ATP2C1: variants seen among roughly 807,000 people sequenced by gnomAD.
ATP2C1 encodes ATPase secretory pathway Ca2+ transporting 1.
Under a neutral mutation model 120.5 loss-of-function variants are expected in ATP2C1, and 31 were observed. The ratio of observed to expected loss-of-function variants is 0.26; its 90% confidence interval spans 0.19 to 0.35. The LOEUF (loss-of-function observed/expected upper bound fraction) is 0.35. Among genes scored for constraint, ATP2C1 ranks in the 10% least tolerant of loss-of-function variants. The pLI is 1.00. For missense variants in ATP2C1, 731 were observed against 1,107.5 expected, an observed-to-expected ratio of 0.66 and a Z score of 4.83; for synonymous variants, 351 against 358.7, an observed-to-expected ratio of 0.98 and a Z score of 0.24.
chr3:130,932,746 A>G (rs1336491071), intron 4 of ATP2C1, among the ~76,000 whole-genome samples: 2 of 152,172 alleles, frequency 1.3e-5, no homozygotes, highest in African/African-American at 4.8e-5. Flanking sequence ...TTTTGAAGTA[A>G]TTAGGTTGGT....
chr3:130,916,021 G>C (rs2058672155), intron 2 of ATP2C1, among the ~76,000 whole-genome samples: 1 of 152,186 alleles, frequency 6.6e-6, no homozygotes, highest in South Asian at 2.1e-4. Context: ...TGTGACAACA[G>C]AATATTTAAG....
Position 130,946,560 on chromosome 3 carries a change from C to T in ATP2C1, c.531+4861C>T, listed in dbSNP as rs79783068. 7.5e-4 allele frequency among the ~76,000 whole-genome samples: 114 copies of T among 152,308 alleles called. 1 individual carries two copies. In the East Asian group the frequency reaches 0.019, roughly 25 times the overall value. ...TATCTGTGAGGCTCACATTCTTGCCCAGTCTGTTGTTAAGACCCGCTAACA... is the reference window on the plus strand; with the variant it reads ...TATCTGTGAGGCTCACATTCTTGCCTAGTCTGTTGTTAAGACCCGCTAACA... On this transcript the variant is annotated intron_variant, in intron 8 of 27. Coordinates refer to ENST00000510168, the MANE Select transcript of ATP2C1 (RefSeq NM_001378687.1).
chr3:130,904,061 C>T (rs1344886348), intron 2 of ATP2C1, among the ~76,000 whole-genome samples: 1 of 151,910 alleles, frequency 6.6e-6, no homozygotes, highest in Non-Finnish European at 1.5e-5. Context: ...ATTTACTTTA[C>T]TTTGAGAGGT....
chr3:130,920,879 A>T (rs749686901), intron 2 of ATP2C1, among the ~76,000 whole-genome samples: 2 of 152,048 alleles, frequency 1.3e-5, no homozygotes, highest in Non-Finnish European at 2.9e-5. Context: ...CAATAAACAA[A>T]CCTGTCACCT....
At chr3:130,977,039 G>A (rs968284224) in intron 18 of ATP2C1, among the ~76,000 whole-genome samples, 1 of 152,122 alleles carries the variant, frequency 6.6e-6, no homozygotes, top group Non-Finnish European at 1.5e-5. Flanking sequence ...CTCAGCTAGG[G>A]AAAGAGAATG....
chr3:130,996,973 C>G (rs2062651582), intron 24 of ATP2C1, among the ~76,000 whole-genome samples, 177 bp downstream of exon 24: 1 of 152,042 alleles, frequency 6.6e-6, no homozygotes, highest in African/African-American at 2.4e-5. Flanking sequence ...AGTGTGCATG[C>G]AGTGTAGATC....
At chr3:130,895,040 G>A (rs1314294145) in intron 2 of ATP2C1, among the ~76,000 whole-genome samples, 2 of 152,140 alleles carry the variant, frequency 1.3e-5, no homozygotes, top group African/African-American at 2.4e-5. Flanking sequence ...GGGAATGAGA[G>A]GGAAGTTTTC....
intron 2 of ATP2C1, among the ~76,000 whole-genome samples, chr3:130,903,989 A>G (rs1490462316): frequency 1.3e-5 from 2 of 152,034 alleles, no homozygotes; most frequent in Non-Finnish European, 2.9e-5. Context: ...AATTCTTCCC[A>G]GAGTGGCAGT....
intron 2 of ATP2C1, among the ~76,000 whole-genome samples, chr3:130,900,911 A>G (rs978091229): frequency 4.6e-5 from 7 of 152,024 alleles, no homozygotes; most frequent in Non-Finnish European, 1.0e-4. Context: ...ATTTCACTAG[A>G]TTTTGTTTGG....
chr3:130,996,409 G>A (rs1357756070), intron 23 of ATP2C1: 2 of 577,758 alleles, frequency 3.5e-6, no homozygotes, highest in Non-Finnish European at 6.1e-6. Flanking sequence ...AAGGGGTATT[G>A]TGTAGTCAAA....
rs2058812286 is a variant in ATP2C1 at position 130,918,938 on chromosome 3, G to A, written c.7-11478G>A. 8.5e-6 allele frequency: 3 copies of A among 354,858 alleles called. No homozygotes were observed. The Admixed American group carries it at 1.1e-4, about 13-fold the overall frequency. The allele number at this position is 354,858 out of a possible 1,614,324, so 22.0% of individuals were successfully genotyped here. ...ACCCGGGAGGCGGAGCTTACCGTGA[G>A]CCTAGATCGCGCCACTGCACTCCAG... On this transcript the variant is annotated intron_variant, in intron 2 of 27. Transcript: ENST00000510168.
At chr3:130,966,313 G>T (rs2061045624) in intron 14 of ATP2C1, among the ~76,000 whole-genome samples, 1 of 152,108 alleles carries the variant, frequency 6.6e-6, no homozygotes, top group African/African-American at 2.4e-5. Context: ...ATATGATCCA[G>T]GTATGGAAGG....
At chr3:130,963,723 G>A (rs188422246) in intron 12 of ATP2C1, 1 of 464,594 alleles carries the variant, frequency 2.2e-6, no homozygotes, top group African/African-American at 2.0e-5. Context: ...AGTAAGAGAT[G>A]GTGAAGCCAG....
At chr3:130,879,436 T>C (rs2068713130) in intron 1 of ATP2C1, among the ~76,000 whole-genome samples, 1 of 152,168 alleles carries the variant, frequency 6.6e-6, no homozygotes, top group African/African-American at 2.4e-5. Context: ...AGATCCTGAA[T>C]TGTTTTCTTG....
chr3:130,975,996 T>G (rs573483729), intron 18 of ATP2C1, among the ~76,000 whole-genome samples: 2 of 152,174 alleles, frequency 1.3e-5, no homozygotes, highest in South Asian at 4.1e-4. Context: ...ACACACACAT[T>G]AGGCCACCTC....
Position 130,953,882 on chromosome 3 carries a change from T to G in ATP2C1, c.593T>G (p.Val198Gly), listed in dbSNP as rs764052498. ...GGTGAGACAACGCCTTGTTCTAAGG[T>G]GACAGCTCCTCAGCCAGCTGCAACT... ...LTGETTPCSK[V>G]TAPQPAATNG... Residue 198 changes from valine (V) to glycine (G), a missense_variant, in exon 9 of 28, where the codon GTG becomes GGG. This residue lies in a region of ATP2C1 where 571 missense variants were observed against 845.9 expected (regional missense o/e 0.67). Coordinates refer to ENST00000510168, the MANE Select transcript of ATP2C1 (RefSeq NM_001378687.1). The G allele has an allele frequency of 1.2e-4, 188 of 1,613,934 alleles. No individual in the cohort carries two copies. The highest frequency in any genetic ancestry group is 1.5e-4 in the Non-Finnish European group (181 of 1,179,970).
At chr3:130,974,823 G>C (rs182758924) in intron 17 of ATP2C1, among the ~76,000 whole-genome samples, 1 of 152,234 alleles carries the variant, frequency 6.6e-6, no homozygotes, top group East Asian at 1.9e-4. Flanking sequence ...CCATGGAGTA[G>C]GACTAGTGGT....
rs113460033 is a variant in ATP2C1, at chr3:130,907,446, A to C, written c.6+12671A>C. ...TGATCCATTTTGAGTTCATTTTTGC[A>C]TATGATGTGACATAAGGGCCCACCT... On this transcript the variant is annotated intron_variant, in intron 2 of 27. Coordinates refer to ENST00000510168, the MANE Select transcript of ATP2C1 (RefSeq NM_001378687.1). 1.6e-3 allele frequency among the ~76,000 whole-genome samples: 239 copies of C among 152,202 alleles called. 1 individual carries two copies. Among genetic ancestry groups the C allele is most frequent in the Non-Finnish European group, 2.7e-3 (182 of 67,944 alleles).
chr3:130,982,836 G>C (rs72985773), intron 20 of ATP2C1, among the ~76,000 whole-genome samples: 155 of 152,178 alleles, frequency 1.0e-3, no homozygotes, highest in African/African-American at 3.4e-3. Context: ...AAAAGTAAGA[G>C]CTACAATAGA....
Sources: allele counts gnomAD v4.1 joint callset (sites outside exome capture counted in the v4.1 genomes callset), GRCh38; gene constraint gnomAD v4.1.1; regional missense constraint gnomAD v4.1.1; transcripts MANE v1.5; gene names NCBI Gene and HGNC (gene_info 2026-07-23, HGNC 2026-07-21).